AK7: variants seen among roughly 807,000 people sequenced by gnomAD.
AK7 encodes ATP-AMP transphosphorylase 7.
In AK7, 78 loss-of-function variants were observed where a neutral mutation model predicts 96.6. The ratio of observed to expected loss-of-function variants is 0.81; its 90% confidence interval spans 0.67 to 0.97. The LOEUF (loss-of-function observed/expected upper bound fraction) is 0.97, where lower values mean the gene tolerates loss of function less well. AK7 is among the 50% of genes least tolerant of loss of function. AK7 has a pLI of 0.00. For synonymous variants in AK7, 302 were observed against 317.2 expected (o/e 0.95, Z 0.51); for missense variants, 855 against 887.9 (o/e 0.96, Z 0.47).
intron 7 of AK7, among the ~76,000 whole-genome samples, chr14:96,445,078 A>G (rs1168725977): frequency 6.6e-6 from 1 of 152,202 alleles, no homozygotes; most frequent in Non-Finnish European, 1.5e-5. Flanking sequence ...TAACTTTGAA[A>G]TGACCAATGT....
At position 96,405,727 on chromosome 14, in the gene AK7, A is replaced by G. The variant is rs141242627; in HGVS notation, c.403+862A>G. 2.0e-5 allele frequency among the ~76,000 whole-genome samples: 3 copies of G among 152,338 alleles called. No homozygotes were observed. The East Asian group carries it at 5.8e-4, about 29-fold the overall frequency. On this transcript the variant is annotated intron_variant, in intron 3 of 17. Coordinates refer to ENST00000267584, the MANE Select transcript of AK7 (RefSeq NM_152327.5). ...GGGGAGGAATTATTTCCAACTCTAA[A>G]TATTTGATTCAATTCAACAAATGTT...
At chr14:96,487,194 T>C (rs1391078275) in intron 17 of AK7, 138 bp downstream of exon 17, 28 of 798,202 alleles carry the variant, frequency 3.5e-5, no homozygotes, top group Non-Finnish European at 4.8e-5. Context: ...GCCAACATAG[T>C]GAAACCCCGT....
At chr14:96,444,758 C>T (rs912972917) in intron 7 of AK7, among the ~76,000 whole-genome samples, 2 of 151,894 alleles carry the variant, frequency 1.3e-5, no homozygotes, top group African/African-American at 4.8e-5. Context: ...CGCTCTGTCA[C>T]CCAGGCTGGA....
At position 96,483,130 on chromosome 14, in the gene AK7, C is replaced by T. The variant is rs1458425698; in HGVS notation, c.1885C>T (p.Arg629Trp). 8.1e-6 allele frequency: 13 copies of T among 1,613,950 alleles called. No individual in the cohort carries two copies. The highest frequency in any genetic ancestry group is 2.7e-5 in the African/African-American group (2 of 74,926). The change falls in exon 16 of 18, where the codon CGG (arginine) becomes TGG (tryptophan). Residue 629 changes from arginine (R) to tryptophan (W), a missense_variant. Transcript: ENST00000267584. ...AEEERKAAEERLAREAAEEAE... is the reference protein window; with the variant it reads ...AEEERKAAEEWLAREAAEEAE... ...AGAGGAGCGGAAGGCTGCGGAGGAGCGGCTGGCCAGGGAGGCTGCTGAGGA... is the reference window on the plus strand; with the variant it reads ...AGAGGAGCGGAAGGCTGCGGAGGAGTGGCTGGCCAGGGAGGCTGCTGAGGA...
intron 12 of AK7, among the ~76,000 whole-genome samples, chr14:96,462,028 G>A (rs918081620): frequency 2.0e-5 from 3 of 152,194 alleles, no homozygotes; most frequent in Non-Finnish European, 4.4e-5. Flanking sequence ...AATTGGAGCA[G>A]AGATAGTGCC....
At chr14:96,421,607 CTTT>C (rs79982057) in intron 5 of AK7, 5 of 139,914 alleles carry the variant, frequency 3.6e-5, no homozygotes, top group Non-Finnish European at 4.7e-5. Flanking sequence ...ATTCTCGTAG[CTTT>C]TTTTTTTTTT....
Position 96,404,882 on chromosome 14 carries a change from C to A in AK7, c.403+17C>A. 4 of 1,558,986 alleles carry A rather than the reference C, an allele frequency of 2.6e-6. No homozygotes were observed. Among genetic ancestry groups the A allele is most frequent in the Non-Finnish European group, 2.6e-6 (3 of 1,133,136 alleles). On this transcript the variant is annotated intron_variant, in intron 3 of 17. Coordinates refer to ENST00000267584, the MANE Select transcript of AK7 (RefSeq NM_152327.5). Reference sequence around the variant, plus strand: ...CAGTCTCTGGTCAGTGAGGTGTACTCTTTTATCTCCAGGGATGCTATTGTA... The same window carrying A: ...CAGTCTCTGGTCAGTGAGGTGTACTATTTTATCTCCAGGGATGCTATTGTA...
At position 96,449,895 on chromosome 14, in the gene AK7, G is replaced by GTTT. The variant is rs11424079; in HGVS notation, c.948+27_948+29dup. ...GGACTTAACGGTTAGTATATGCGGT[G>GTTT]TTTTTTTTTTTTTAACTATCTTTCT... On this transcript the variant is annotated intron_variant, in intron 9 of 17. Coordinates refer to ENST00000267584, the MANE Select transcript of AK7 (RefSeq NM_152327.5). 1.2e-3 allele frequency: 1,460 copies of GTTT among 1,211,776 alleles called. 4 individuals are homozygous for GTTT. Among genetic ancestry groups the GTTT allele is most frequent in the African/African-American group, 1.5e-3 (93 of 61,564 alleles). 75.1% of individuals were successfully genotyped at this position (1,211,776 alleles called of 1,614,324 possible).
chr14:96,443,507 A>G (rs746223825), intron 7 of AK7, among the ~76,000 whole-genome samples: 39 of 152,194 alleles, frequency 2.6e-4, no homozygotes, highest in Admixed American at 4.6e-4. Flanking sequence ...ACTGGCCACT[A>G]GTAAATTAGT....
intron 10 of AK7, 94 bp from the exon 11 acceptor site, chr14:96,456,253 A>G (rs1350901667): frequency 8.7e-7 from 1 of 1,145,164 alleles, no homozygotes; most frequent in Non-Finnish European, 1.2e-6. Flanking sequence ...AAAAAAAAAA[A>G]AAAAAAAAGC....
At chr14:96,467,280 G>T (rs980949857) in intron 12 of AK7, among the ~76,000 whole-genome samples, 2 of 150,914 alleles carry the variant, frequency 1.3e-5, no homozygotes, top group Admixed American at 6.6e-5. Flanking sequence ...ATATTAATTA[G>T]ATCAAATTGA....
chr14:96,471,421 TCTTA>T, intron 12 of AK7, 53 bp from the exon 13 acceptor site: 4 of 906,682 alleles, frequency 4.4e-6, no homozygotes, highest in Non-Finnish European at 6.0e-6. Flanking sequence ...TTAAAACAAC[TCTTA>T]CTTAGAATGT....
chr14:96,448,647 A>G (rs1235455146), intron 8 of AK7, among the ~76,000 whole-genome samples: 2 of 147,202 alleles, frequency 1.4e-5, no homozygotes, highest in African/African-American at 5.0e-5. Flanking sequence ...AAAAAAAAAA[A>G]AAAAAAAAAA....
chr14:96,465,701 T>C (rs1894524471), intron 12 of AK7, among the ~76,000 whole-genome samples: 1 of 151,886 alleles, frequency 6.6e-6, no homozygotes, highest in Non-Finnish European at 1.5e-5. Context: ...TATCCAAGTA[T>C]TCAAGTAGGT....
chr14:96,444,059 G>A (rs1397738895), intron 7 of AK7, among the ~76,000 whole-genome samples: 1 of 152,132 alleles, frequency 6.6e-6, no homozygotes, highest in South Asian at 2.1e-4. Flanking sequence ...ACAGGCGTGA[G>A]CCACTGCGCC....
intron 6 of AK7, 60 bp from the exon 7 acceptor site, chr14:96,442,670 G>A: frequency 7.8e-7 from 1 of 1,284,520 alleles, no homozygotes; most frequent in Non-Finnish European, 1.1e-6. Flanking sequence ...ACTTATGTGT[G>A]AGCTGTAATA....
intron 6 of AK7, among the ~76,000 whole-genome samples, chr14:96,442,420 T>TAGA (rs1369885173): frequency 6.6e-6 from 1 of 152,234 alleles, no homozygotes; most frequent in African/African-American, 2.4e-5. Context: ...TGAGAGGTTG[T>TAGA]AGATTTCTTG....
At chr14:96,463,366 C>T (rs1894365763) in intron 12 of AK7, among the ~76,000 whole-genome samples, 1 of 152,028 alleles carries the variant, frequency 6.6e-6, no homozygotes, top group Non-Finnish European at 1.5e-5. Context: ...TTCCTGACTT[C>T]AGACCAGTCA....
At chr14:96,431,299 T>C (rs1892336713) in intron 5 of AK7, among the ~76,000 whole-genome samples, 1 of 152,194 alleles carries the variant, frequency 6.6e-6, no homozygotes, top group Admixed American at 6.5e-5. Flanking sequence ...TGTCTTCTGC[T>C]AGCTTTTGAA....
Sources: allele counts gnomAD v4.1 joint callset (sites outside exome capture counted in the v4.1 genomes callset), GRCh38; gene constraint gnomAD v4.1.1; transcripts MANE v1.5; gene names NCBI Gene and HGNC (gene_info 2026-07-23, HGNC 2026-07-21).